EIF2AK4: variants seen among roughly 807,000 people sequenced by gnomAD.
The protein encoded by EIF2AK4 is eIF-2-alpha kinase GCN2.
EIF2AK4 carries 139 observed loss-of-function variants against 211.1 expected under a neutral mutation model. That is an observed-to-expected ratio of 0.66 (90% CI 0.57 to 0.76). EIF2AK4 has a LOEUF of 0.76. Among genes scored for constraint, EIF2AK4 ranks in the 30% least tolerant of loss-of-function variants. The pLI is 0.00. For synonymous variants in EIF2AK4, 710 were observed against 751.3 expected (o/e 0.94, Z 0.90); for missense variants, 1,664 against 2,043.8 (o/e 0.81, Z 3.58).
chr15:40,021,836 C>T (rs1220814814), intron 31 of EIF2AK4: 1 of 152,428 alleles, frequency 6.6e-6, no homozygotes, highest in Non-Finnish European at 1.5e-5. Flanking sequence ...GACCCACCAC[C>T]CTCCCACCTG....
chr15:40,011,712 GAGGCAC>G (rs2035237929), intron 27 of EIF2AK4, among the ~76,000 whole-genome samples: 1 of 152,196 alleles, frequency 6.6e-6, no homozygotes, highest in Admixed American at 6.5e-5. Context: ...GGACTAGAAG[GAGGCAC>G]AGAATTCTGC....
intron 30 of EIF2AK4, among the ~76,000 whole-genome samples, chr15:40,019,955 T>TC (rs2035360491): frequency 6.6e-6 from 1 of 151,674 alleles, no homozygotes; most frequent in Non-Finnish European, 1.5e-5. Context: ...GCCCAGGAGT[T>TC]CAAGACTAGC....
chr15:39,997,712 T>G (rs184732920), intron 19 of EIF2AK4, among the ~76,000 whole-genome samples: 10 of 152,272 alleles, frequency 6.6e-5, no homozygotes, highest in Admixed American at 2.0e-4. Context: ...CCAATGAAAT[T>G]TCCATTTGTG....
rs1480797614 is a variant in EIF2AK4 at position 39,943,463 on chromosome 15, T to G, written c.338T>G (p.Leu113Arg). 1 of 1,582,974 alleles carries G rather than the reference T, an allele frequency of 6.3e-7. No individual in the cohort carries two copies. The highest frequency in any genetic ancestry group is 1.4e-5 in the African/African-American group (1 of 72,504). ...TTGTTAAAATCTCGCCTAGAAGAAC[T>G]GGCCAAGAAACACTGTGGGGAGGTA... is the stretch of plus-strand genomic sequence containing the variant. ...VNLLKSRLEE[L>R]AKKHCGEVMI... is the part of the protein sequence containing the mutation. The change falls in exon 3 of 39, where the codon CTG becomes CGG. Residue 113 changes from leucine to arginine, a missense_variant. Leu to Arg is a moderately radical substitution (Grantham distance 102). Coordinates refer to ENST00000263791, the MANE Select transcript of EIF2AK4 (RefSeq NM_001013703.4).
intron 33 of EIF2AK4, 150 bp downstream of exon 33, chr15:40,026,239 G>C: frequency 2.9e-6 from 2 of 696,876 alleles, no homozygotes; most frequent in Non-Finnish European, 2.3e-6. Context: ...GGAATCACTT[G>C]AGGCCAGGAA....
In EIF2AK4 at chr15:39,988,046, G is replaced by A. The variant is rs375292990; in HGVS notation, c.2467G>A (p.Val823Ile). 46 of 1,613,996 alleles carry A rather than the reference G, an allele frequency of 2.9e-5. No homozygotes were observed. Among genetic ancestry groups the A allele is most frequent in the Non-Finnish European group, 3.6e-5 (43 of 1,180,000 alleles). Residue 823 changes from valine to isoleucine, a missense_variant, in exon 15 of 39, where the codon GTC becomes ATC. Physicochemically the swap from Val to Ile is conservative, Grantham distance 29 (BLOSUM62 3). Coordinates refer to ENST00000263791, the MANE Select transcript of EIF2AK4 (RefSeq NM_001013703.4). ...TIDQGLYRDT[V>I]RLWRLFREIL... The stretch of plus-strand genomic sequence containing the variant: ...TGACCAGGGACTGTATCGAGACACC[G>A]TCAGACTCTGGAGGCTTTTTCGAGA...
intron 3 of EIF2AK4, among the ~76,000 whole-genome samples, chr15:39,943,832 A>G (rs1366748140): frequency 1.3e-5 from 2 of 151,948 alleles, no homozygotes; most frequent in Non-Finnish European, 2.9e-5. Context: ...GTGTATGCCT[A>G]TAGTGCAAGC....
intron 18 of EIF2AK4, among the ~76,000 whole-genome samples, chr15:39,993,371 G>A (rs1361818830): frequency 1.3e-5 from 2 of 152,168 alleles, no homozygotes; most frequent in Non-Finnish European, 2.9e-5. Flanking sequence ...AAAAGATATA[G>A]CCACAAATTG....
intron 29 of EIF2AK4, among the ~76,000 whole-genome samples, chr15:40,018,330 G>A (rs1230114856): frequency 1.3e-5 from 2 of 152,108 alleles, no homozygotes; most frequent in Admixed American, 1.3e-4. Flanking sequence ...AAATCATGAT[G>A]TGTCTTGGCA....
chr15:39,967,693 AG>A lies in EIF2AK4; in HGVS notation c.1369del (p.Asp457MetfsTer46). The part of the protein sequence containing the change: ...ISKRLADICK[E>X]DVFEQTRVRF... ...AAGCGCCTCGCAGACATTTGCAAGG[AG>A]GATGTGTTTGAGCAAACCCGAGTTC... On this transcript the variant is annotated frameshift_variant, in exon 9 of 39. Coordinates refer to ENST00000263791, the MANE Select transcript of EIF2AK4 (RefSeq NM_001013703.4). LOFTEE classifies it high-confidence loss of function. The A allele has an allele frequency of 1.2e-6, 2 of 1,614,192 alleles. No individual in the cohort carries two copies. The highest frequency in any genetic ancestry group is 1.7e-6 in the Non-Finnish European group (2 of 1,180,018).
chr15:40,016,957 A>T, intron 28 of EIF2AK4, 151 bp from the exon 29 acceptor site: 2 of 1,075,798 alleles, frequency 1.9e-6, no homozygotes, highest in African/African-American at 1.6e-5. Context: ...GGCTATGGTT[A>T]AACAGACTTT....
At chr15:40,007,702 T>A (rs2035180023) in intron 24 of EIF2AK4, among the ~76,000 whole-genome samples, 1 of 152,180 alleles carries the variant, frequency 6.6e-6, no homozygotes, top group African/African-American at 2.4e-5. Flanking sequence ...TAGCTACAAG[T>A]GAATAATTAA....
chr15:39,982,258 T>G (rs1269093138), intron 13 of EIF2AK4, among the ~76,000 whole-genome samples: 1 of 152,200 alleles, frequency 6.6e-6, no homozygotes, highest in Non-Finnish European at 1.5e-5. Context: ...AAGGTGGATT[T>G]CTAGTCTTCT....
chr15:40,006,945 G>A, intron 23 of EIF2AK4, 71 bp from the exon 24 acceptor site: 1 of 1,197,828 alleles, frequency 8.3e-7, no homozygotes, highest in East Asian at 2.4e-5. Context: ...CAGGAGTTAT[G>A]TTTCAATAAA....
intron 25 of EIF2AK4, 134 bp downstream of exon 25, chr15:40,008,329 A>G (rs1472725856): frequency 3.6e-6 from 3 of 834,320 alleles, no homozygotes; most frequent in Non-Finnish European, 5.4e-6. Flanking sequence ...AAAGTAACTG[A>G]GAAGAGCTTG....
Position 39,934,328 on chromosome 15 carries a change from G to C in EIF2AK4, c.133G>C (p.Ala45Pro). ...GGACTTCCAAGACCTGCGGCCGGAC[G>C]CTTGCGGACCGGTAGGAACGTGGCT... ...GADFQDLRPD[A>P]CGPVKEPPEI... The change falls in exon 1 of 39, where the codon GCT (alanine) becomes CCT (proline). Residue 45 changes from alanine (A) to proline (P), a missense_variant. Ala to Pro is a conservative substitution (Grantham distance 27). This residue lies in a region of EIF2AK4 where 641 missense variants were observed against 729.6 expected (regional missense o/e 0.88). Transcript: ENST00000263791. The C allele has an allele frequency of 6.2e-7, 1 of 1,609,328 alleles. No individual in the cohort carries two copies. The highest frequency in any genetic ancestry group is 1.7e-4 in the Middle Eastern group (1 of 6,042).
intron 3 of EIF2AK4, among the ~76,000 whole-genome samples, chr15:39,947,120 G>A (rs2034239840): frequency 6.6e-6 from 1 of 152,116 alleles, no homozygotes. Context: ...ATTTGAATGG[G>A]TGTTAAACAT....
At chr15:39,993,249 G>A (rs1473049235) in intron 18 of EIF2AK4, among the ~76,000 whole-genome samples, 1 of 152,040 alleles carries the variant, frequency 6.6e-6, no homozygotes, top group Non-Finnish European at 1.5e-5. Flanking sequence ...TCCATCCAAA[G>A]AATGTGCAAA....
At chr15:39,960,042 T>C (rs919359542) in intron 6 of EIF2AK4, among the ~76,000 whole-genome samples, 5 of 151,708 alleles carry the variant, frequency 3.3e-5, no homozygotes, top group East Asian at 3.9e-4. Context: ...CGGGGGCCTA[T>C]AGTCCCAGCT....
Sources: allele counts gnomAD v4.1 joint callset (sites outside exome capture counted in the v4.1 genomes callset), GRCh38; gene constraint gnomAD v4.1.1; regional missense constraint gnomAD v4.1.1; transcripts MANE v1.5; gene names NCBI Gene and HGNC (gene_info 2026-07-23, HGNC 2026-07-21).